Variants in SPEN observed in about 807,000 individuals in gnomAD.
SPEN encodes msx2-interacting protein.
SPEN carries 18 observed loss-of-function variants against 269.9 expected under a neutral mutation model. The observed-to-expected ratio is 0.07, with a 90% confidence interval of 0.05 to 0.10. The LOEUF is 0.10. Among genes scored for constraint, SPEN ranks in the 10% least tolerant of loss-of-function variants. The pLI is 1.00. For synonymous variants in SPEN, 1,726 were observed against 1,765.7 expected (o/e 0.98, Z 0.56); for missense variants, 3,822 against 4,631.2 (o/e 0.83, Z 5.07).
chr1:15,875,784 A>G (rs2148711823), intron 2 of SPEN, among the ~76,000 whole-genome samples: 2 of 152,334 alleles, frequency 1.3e-5, no homozygotes, highest in Admixed American at 1.3e-4. Flanking sequence ...TAGCATGGAA[A>G]TGTGGCCTAA....
intron 1 of SPEN, among the ~76,000 whole-genome samples, chr1:15,860,404 T>A (rs1375517680): frequency 2.0e-5 from 3 of 147,546 alleles, no homozygotes; most frequent in African/African-American, 7.5e-5. Context: ...TGTGTGTGTG[T>A]GTGTGTGTGT....
chr1:15,866,136 C>T (rs2070506346), intron 1 of SPEN, among the ~76,000 whole-genome samples: 1 of 152,026 alleles, frequency 6.6e-6, no homozygotes, highest in African/African-American at 2.4e-5. Context: ...AAAAATCTTG[C>T]TCACCTCTTT....
intron 3 of SPEN, among the ~76,000 whole-genome samples, chr1:15,880,395 C>T (rs993854906): frequency 6.8e-6 from 1 of 147,800 alleles, no homozygotes; most frequent in Non-Finnish European, 1.5e-5. Flanking sequence ...GAACCTCATT[C>T]ATTAACTTAT....
chr1:15,856,237 G>T (rs939581671), intron 1 of SPEN, among the ~76,000 whole-genome samples: 2 of 151,714 alleles, frequency 1.3e-5, no homozygotes, highest in African/African-American at 2.4e-5. Context: ...GGATCCGCCC[G>T]CCTCGGCCTC....
chr1:15,860,497 G>T (rs1443083411), intron 1 of SPEN, among the ~76,000 whole-genome samples: 1 of 140,948 alleles, frequency 7.1e-6, no homozygotes, highest in African/African-American at 2.7e-5. Context: ...CCACTGTATT[G>T]CCCAGGATGG....
chr1:15,926,410 CACAT>C (rs2071168211), intron 10 of SPEN, among the ~76,000 whole-genome samples: 1 of 150,704 alleles, frequency 6.6e-6, no homozygotes, highest in Non-Finnish European at 1.5e-5. Flanking sequence ...CACACACACA[CACAT>C]TTATAAATAT....
At chr1:15,908,683 G>A (rs1236820058) in intron 3 of SPEN, among the ~76,000 whole-genome samples, 1 of 152,104 alleles carries the variant, frequency 6.6e-6, no homozygotes, top group Non-Finnish European at 1.5e-5. Context: ...TAAAGTGCTG[G>A]CATTACAGGC....
intron 10 of SPEN, among the ~76,000 whole-genome samples, chr1:15,927,238 C>A (rs530486023): frequency 1.3e-5 from 2 of 152,184 alleles, no homozygotes; most frequent in Non-Finnish European, 2.9e-5. Context: ...TGGAGGAGTT[C>A]TCTCATGGTG....
chr1:15,938,471 G>A (rs1348535353), intron 13 of SPEN: 3 of 391,434 alleles, frequency 7.7e-6, no homozygotes, highest in Non-Finnish European at 1.4e-5. Flanking sequence ...CTACTTGGTG[G>A]GGGGATGTAA....
At chr1:15,905,594 G>T (rs188636143) in intron 3 of SPEN, among the ~76,000 whole-genome samples, 4 of 148,342 alleles carry the variant, frequency 2.7e-5, no homozygotes, top group South Asian at 2.1e-4. Context: ...CTTTTTTTGA[G>T]ATGGAGTCTT....
intron 3 of SPEN, among the ~76,000 whole-genome samples, chr1:15,897,350 G>C (rs1232116525): frequency 1.3e-5 from 2 of 151,510 alleles, no homozygotes; most frequent in Admixed American, 6.6e-5. Flanking sequence ...CATCATGCCT[G>C]GCTAATTTTT....
chr1:15,920,288 C>CA (rs2071106167), intron 8 of SPEN, among the ~76,000 whole-genome samples: 1 of 152,168 alleles, frequency 6.6e-6, no homozygotes, highest in Admixed American at 6.5e-5. Flanking sequence ...AGGCTGGTCT[C>CA]AAACTCCTGA....
At chr1:15,879,548 A>T (rs867341113) in intron 3 of SPEN, among the ~76,000 whole-genome samples, 2 of 152,176 alleles carry the variant, frequency 1.3e-5, no homozygotes, top group Admixed American at 6.5e-5. Flanking sequence ...AAATTACAAT[A>T]AAAAAGTTAG....
Position 15,937,655 on chromosome 1 carries a change from A to G in SPEN, c.10509+10A>G. On this transcript the variant is annotated intron_variant, in intron 12 of 14. Transcript: ENST00000375759. The surrounding 1 kb of genome is among the most constrained non-coding windows in gnomAD (Gnocchi z 5.7). ...GGTTCAACTTCTGAAGGTAAGCATG[A>G]GCAGGGGCTGCCCTTCCTGGCCCCC... 6.2e-7 allele frequency: 1 copy of G among 1,610,088 alleles called. No homozygotes were observed. The highest frequency in any genetic ancestry group is 8.5e-7 in the Non-Finnish European group (1 of 1,176,676).
intron 3 of SPEN, among the ~76,000 whole-genome samples, chr1:15,883,903 G>T (rs2070712508): frequency 6.7e-6 from 1 of 148,948 alleles, no homozygotes; most frequent in Non-Finnish European, 1.5e-5. Flanking sequence ...TCCGCCTCCT[G>T]GGTTCACGCC....
chr1:15,855,939 A>C (rs1167278106), intron 1 of SPEN, among the ~76,000 whole-genome samples: 1 of 151,846 alleles, frequency 6.6e-6, no homozygotes, highest in Non-Finnish European at 1.5e-5. Flanking sequence ...TCCTTGGATT[A>C]AAAGATAAAA....
chr1:15,920,850 T>C lies in SPEN; in HGVS notation c.1636-20T>C, dbSNP rs1287477108. 1 of 1,510,642 alleles carries C rather than the reference T, an allele frequency of 6.6e-7. No homozygotes were observed. The highest frequency in any genetic ancestry group is 9.1e-7 in the Non-Finnish European group (1 of 1,104,464). The allele number at this position is 1,510,642 out of a possible 1,614,324, so 93.6% of individuals were successfully genotyped here. ...CAGTGGATGAGGCTCTTACTTGTTT[T>C]TTGTTTGTTTGTTTTACAGGTGGTG... is the stretch of plus-strand genomic sequence containing the variant. On this transcript the variant is annotated intron_variant, in intron 8 of 14. Transcript: ENST00000375759.
intron 3 of SPEN, among the ~76,000 whole-genome samples, chr1:15,877,759 T>A (rs2070645994): frequency 6.8e-6 from 1 of 146,716 alleles, no homozygotes; most frequent in African/African-American, 2.5e-5. Context: ...TTTTTTTTTT[T>A]TTGAGATGGA....
chr1:15,892,748 A>C (rs1454769459), intron 3 of SPEN, among the ~76,000 whole-genome samples: 1 of 152,160 alleles, frequency 6.6e-6, no homozygotes, highest in Non-Finnish European at 1.5e-5. Context: ...CCCTAAATAA[A>C]TTAATTTCCC....
Sources: allele counts gnomAD v4.1 joint callset (sites outside exome capture counted in the v4.1 genomes callset), GRCh38; gene constraint gnomAD v4.1.1; non-coding constraint Gnocchi (gnomAD v3.1); transcripts MANE v1.5; gene names NCBI Gene and HGNC (gene_info 2026-07-23, HGNC 2026-07-21).